Variants in CORO1A observed in about 807,000 individuals in gnomAD.
CORO1A encodes the protein coronin-1A.
A neutral mutation model predicts 44.1 loss-of-function variants in CORO1A; 17 were observed. The observed-to-expected ratio is 0.39, with a 90% CI of 0.26 to 0.58. The LOEUF (loss-of-function observed/expected upper bound fraction) is 0.58, where lower values mean the gene tolerates loss of function less well. Ranked by LOEUF, CORO1A falls within the 20% of genes least tolerant of loss-of-function variation. The pLI is 0.62. For missense variants in CORO1A, 415 were observed against 606.5 expected (o/e 0.68, Z 3.32); for synonymous variants, 271 against 244.2 (o/e 1.11, Z -1.02).
chr16:30,186,566 A>G lies in CORO1A; in HGVS notation c.199-32A>G, dbSNP rs1025276865. ...GAGGTTGGATTGGGTTTGGGAGGCA[A>G]AAGCACCTCCAAGGCCCTGCTGTGC... is the stretch of plus-strand genomic sequence containing the variant. On this transcript the variant is annotated intron_variant, in intron 2 of 10. Coordinates refer to ENST00000219150, the MANE Select transcript of CORO1A (RefSeq NM_007074.4). 3.7e-6 allele frequency: 6 copies of G among 1,611,584 alleles called. No homozygotes were observed. The Admixed American group carries it at 1.0e-4, about 27-fold the overall frequency.
intron 1 of CORO1A, 170 bp from the exon 2 acceptor site, chr16:30,185,039 G>A (rs1264530582): frequency 2.4e-5 from 17 of 700,444 alleles, no homozygotes; most frequent in Non-Finnish European, 3.3e-5. Context: ...GGGAAGGAGA[G>A]GCTGGGGAAG....
chr16:30,188,276 C>A (rs1214949875), intron 9 of CORO1A, 27 bp downstream of exon 9: 70 of 1,611,952 alleles, frequency 4.3e-5, no homozygotes, highest in Non-Finnish European at 5.6e-5. Context: ...CCACCCTGGG[C>A]TCCAGGCTGG....
chr16:30,185,478 G>T, intron 2 of CORO1A, 71 bp downstream of exon 2: 1 of 1,426,322 alleles, frequency 7.0e-7, no homozygotes. Context: ...TCCTGATTAG[G>T]TGACGGTCAC....
At chr16:30,185,699 C>A in intron 2 of CORO1A, 1 of 485,736 alleles carries the variant, frequency 2.1e-6, no homozygotes. Context: ...GCTTTCTCCC[C>A]ATGGAAACAC....
intron 2 of CORO1A, chr16:30,186,336 G>C (rs1300691645): frequency 2.0e-6 from 1 of 505,562 alleles, no homozygotes; most frequent in Non-Finnish European, 3.6e-6. Flanking sequence ...GACAGACTGA[G>C]ACAGAGACCG....
At position 30,188,429 on chromosome 16, in the gene CORO1A, G is replaced by A. The variant is rs1253842589; in HGVS notation, c.1134G>A (p.Glu378=). The A allele has an allele frequency of 1.9e-6, 3 of 1,613,584 alleles. No homozygotes were observed. Among genetic ancestry groups the A allele is most frequent in the Non-Finnish European group, 2.5e-6 (3 of 1,180,020 alleles). ...AGPDPALTAE[E]WLGGRDAGPL... is the part of the protein sequence containing the mutation. ...CCGACCCTGCCCTCACGGCTGAGGA[G>A]TGGCTGGGGGGTCGGGATGCTGGGC... The change falls in exon 10 of 11, where the codon GAG becomes GAA. Residue 378 remains glutamate (E), a synonymous_variant. Transcript: ENST00000219150.
chr16:30,188,149 C>T (rs965845652), intron 8 of CORO1A, 43 bp from the exon 9 acceptor site: 12 of 1,613,730 alleles, frequency 7.4e-6, no homozygotes, highest in Non-Finnish European at 9.3e-6. Flanking sequence ...CCCAAGCCCA[C>T]CCAACCAGAC....
rs1237254900 is a variant in CORO1A, at chr16:30,187,023, T to C, written c.452-16T>C. The C allele has an allele frequency of 1.9e-6, 3 of 1,613,356 alleles. No homozygotes were observed. The highest frequency in any genetic ancestry group is 3.3e-5 in the Admixed American group (2 of 59,966). On this transcript the variant is annotated splice_polypyrimidine_tract_variant and intron_variant, in intron 4 of 10. Coordinates refer to ENST00000219150, the MANE Select transcript of CORO1A (RefSeq NM_007074.4). ...GCAGGAGGCTCATGGCTTCTGACAC[T>C]GTGGGGAACGTGCAGGTTGTGACAA... is the stretch of plus-strand genomic sequence containing the variant.
intron 2 of CORO1A, 67 bp from the exon 3 acceptor site, chr16:30,186,528 AAGG>A (rs1236401745): frequency 2.5e-6 from 4 of 1,591,922 alleles, no homozygotes; most frequent in Non-Finnish European, 3.4e-6. Context: ...GGCCTCTCTG[AAGG>A]AGGTGTGGGG....
intron 2 of CORO1A, chr16:30,185,623 A>G: frequency 1.7e-6 from 1 of 598,776 alleles, no homozygotes; most frequent in East Asian, 2.8e-5. Context: ...GATGGGTCAC[A>G]CCAGTGACCA....
At chr16:30,186,483 T>G in intron 2 of CORO1A, 115 bp from the exon 3 acceptor site, 2 of 1,265,920 alleles carry the variant, frequency 1.6e-6, no homozygotes, top group Non-Finnish European at 2.3e-6. Flanking sequence ...CAGGCCCTGG[T>G]CCAGCTCCCA....
At chr16:30,186,445 G>A (rs1471946197) in intron 2 of CORO1A, 153 bp from the exon 3 acceptor site, 1 of 898,274 alleles carries the variant, frequency 1.1e-6, no homozygotes, top group East Asian at 2.5e-5. Context: ...TGGAACAAGA[G>A]AAGAACAACC....
rs781038037 is a variant in CORO1A at position 30,186,978 on chromosome 16, G to C, written c.451+33G>C. Reference sequence around the variant, plus strand: ...GGGAGGAGGGGCTTGGGGGTGGCTCGTGGCCTGCAGTGGATGAGGGCAGGA... The same window carrying C: ...GGGAGGAGGGGCTTGGGGGTGGCTCCTGGCCTGCAGTGGATGAGGGCAGGA... On this transcript the variant is annotated intron_variant, in intron 4 of 10. Transcript: ENST00000219150. The C allele has an allele frequency of 1.9e-6, 3 of 1,612,746 alleles. No individual in the cohort carries two copies. In the African/African-American group the frequency reaches 4.0e-5, roughly 22 times the overall value.
chr16:30,186,974 G>T, intron 4 of CORO1A, 29 bp downstream of exon 4: 1 of 1,612,880 alleles, frequency 6.2e-7, no homozygotes, highest in Non-Finnish European at 8.5e-7. Flanking sequence ...CTTGGGGGTG[G>T]CTCGTGGCCT....
In CORO1A at chr16:30,188,083, G is replaced by T. The variant is rs1461936508; in HGVS notation, c.1003G>T (p.Ala335Ser). 6.2e-7 allele frequency: 1 copy of T among 1,613,526 alleles called. No homozygotes were observed. Among genetic ancestry groups the T allele is most frequent in the Admixed American group, 1.7e-5 (1 of 60,020 alleles). ...RGLEVNKCEIARFYKLHERRC... is the reference protein window; with the variant it reads ...RGLEVNKCEISRFYKLHERRC... ...CCTGGAGGTGAACAAGTGTGAGATC[G>T]CCAGGTGACTGACCCCCGGCCCTGA... The change falls in exon 8 of 11, where the codon GCC becomes TCC. Residue 335 changes from alanine to serine, a missense_variant. Transcript: ENST00000219150.
Position 30,188,111 on chromosome 16 carries a change from G to T in CORO1A, c.1007+24G>T, listed in dbSNP as rs769269596. On this transcript the variant is annotated intron_variant, in intron 8 of 10. Coordinates refer to ENST00000219150, the MANE Select transcript of CORO1A (RefSeq NM_007074.4). The stretch of plus-strand genomic sequence containing the variant: ...AGGTGACTGACCCCCGGCCCTGACC[G>T]CAGCATGCTCCTTGGGCAGTGGGCA... 1.9e-6 allele frequency: 3 copies of T among 1,613,500 alleles called. No individual in the cohort carries two copies. The East Asian group carries it at 6.7e-5, about 36-fold the overall frequency.
In CORO1A at chr16:30,188,100, C is replaced by CG. The variant is rs779111977; in HGVS notation, c.1007+15dup. 3 of 1,613,588 alleles carry CG rather than the reference C, an allele frequency of 1.9e-6. No homozygotes were observed. Among genetic ancestry groups the CG allele is most frequent in the Admixed American group, 3.3e-5 (2 of 60,020 alleles). On this transcript the variant is annotated intron_variant, in intron 8 of 10. Coordinates refer to ENST00000219150, the MANE Select transcript of CORO1A (RefSeq NM_007074.4). ...GTGAGATCGCCAGGTGACTGACCCC[C>CG]GGCCCTGACCGCAGCATGCTCCTTG...
At chr16:30,186,569 G>GC in intron 2 of CORO1A, 29 bp from the exon 3 acceptor site, 1 of 1,611,788 alleles carries the variant, frequency 6.2e-7, no homozygotes, top group Non-Finnish European at 8.5e-7. Context: ...GGAGGCAAAA[G>GC]CACCTCCAAG....
chr16:30,185,242 C>T lies in CORO1A; in HGVS notation c.33C>T (p.Phe11=). 6.2e-7 allele frequency: 1 copy of T among 1,614,160 alleles called. No individual in the cohort carries two copies. Among genetic ancestry groups the T allele is most frequent in the South Asian group, 1.1e-5 (1 of 91,090 alleles). Residue 11 remains phenylalanine (F), a synonymous_variant, in exon 2 of 11, where the codon TTC becomes TTT. Transcript: ENST00000219150. ...GGCAGGTGGTCCGCTCCAGCAAGTT[C>T]CGCCACGTGTTTGGACAGCCGGCCA... MSRQVVRSSK[F]RHVFGQPAKA...
Sources: gnomAD v4.1 joint callset for allele counts on GRCh38, gnomAD v4.1.1 for gene constraint, MANE v1.5 for transcripts, NCBI Gene and HGNC (gene_info 2026-07-23, HGNC 2026-07-21) for gene names.